The following SYNE2 variants were observed in gnomAD, a reference collection of about 807,000 sequenced individuals.
SYNE2 encodes the protein spectrin repeat containing nuclear envelope protein 2.
Under a neutral mutation model 856.3 loss-of-function variants are expected in SYNE2, and 431 were observed. The ratio of observed to expected loss-of-function variants is 0.50; its 90% CI spans 0.47 to 0.55. SYNE2 has a LOEUF of 0.55. Among genes scored for constraint, SYNE2 ranks in the 20% least tolerant of loss-of-function variants. SYNE2 has a pLI of 0.00. For synonymous variants in SYNE2, 2,923 were observed against 2,872.3 expected, an observed-to-expected ratio of 1.02 and a Z score of -0.56; for missense variants, 8,129 against 8,023.2, an observed-to-expected ratio of 1.01 and a Z score of -0.50.
intron 53 of SYNE2, among the ~76,000 whole-genome samples, chr14:64,075,250 G>A (rs572598349): frequency 6.6e-6 from 1 of 152,328 alleles, no homozygotes; most frequent in East Asian, 1.9e-4. Flanking sequence ...CCACAGTCAA[G>A]TCAAGAAGTA....
chr14:64,077,983 T>C (rs966464920), intron 54 of SYNE2, among the ~76,000 whole-genome samples: 2 of 152,184 alleles, frequency 1.3e-5, no homozygotes, highest in African/African-American at 2.4e-5. Flanking sequence ...CCCAAATGAA[T>C]ACTATGATTG....
At position 64,225,504 on chromosome 14, in the gene SYNE2, C is replaced by T. The variant is rs760936547; in HGVS notation, c.20702C>T (p.Thr6901Ile). The change falls in exon 116 of 116, where the codon ACC becomes ATC. Residue 6901 changes from threonine (T) to isoleucine (I), a missense_variant. Coordinates refer to ENST00000555002, the MANE Select transcript of SYNE2 (RefSeq NM_182914.3). Reference sequence around the variant, plus strand: ...TCCTTTTACCCCATGCTGAGGTACACCAATGGGCCACCCCCCACATAGAGG... The same window carrying T: ...TCCTTTTACCCCATGCTGAGGTACATCAATGGGCCACCCCCCACATAGAGG... ...ARSFYPMLRY[T>I]NGPPPT 1 of 1,614,140 alleles carries T rather than the reference C, an allele frequency of 6.2e-7. No homozygotes were observed. The highest frequency in any genetic ancestry group is 1.1e-5 in the South Asian group (1 of 91,056).
At chr14:64,119,951 A>C (rs1487279186) in intron 67 of SYNE2, among the ~76,000 whole-genome samples, 1 of 152,260 alleles carries the variant, frequency 6.6e-6, no homozygotes, top group African/African-American at 2.4e-5. Context: ...ATTGACTGGA[A>C]AACAAAGCTT....
In SYNE2 at chr14:64,168,880, TTAG is replaced by T. The variant is rs1283954520; in HGVS notation, c.16910_16912del (p.Leu5637_Glu5638delinsTer). ...TTCTGCTTGGACTCATATACAGATG[TTAG>T]AAGCTGAAGTTTCTATAAACCAGAC... is the stretch of plus-strand genomic sequence containing the variant. On this transcript the variant is annotated stop_gained and inframe_deletion, in exon 93 of 116. Coordinates refer to ENST00000555002, the MANE Select transcript of SYNE2 (RefSeq NM_182914.3). LOFTEE classifies it high-confidence loss of function. 2 of 1,610,450 alleles carry T rather than the reference TTAG, an allele frequency of 1.2e-6. No individual in the cohort carries two copies.
rs1010092888 is a variant in SYNE2, at chr14:64,080,699, A to C, written c.11346+61A>C. 24 of 1,580,454 alleles carry C rather than the reference A, an allele frequency of 1.5e-5. No individual in the cohort carries two copies. In the African/African-American group the frequency reaches 3.1e-4, roughly 20 times the overall value. On this transcript the variant is annotated intron_variant, in intron 56 of 115. Transcript: ENST00000555002. Reference sequence around the variant, plus strand: ...GGTGGTATTGAGATGGTGTTAAAGCAAAACAATATATTCAGAAACAGTCAG... The same window carrying C: ...GGTGGTATTGAGATGGTGTTAAAGCCAAACAATATATTCAGAAACAGTCAG...
chr14:64,128,665 A>G (rs914713501), intron 74 of SYNE2, 112 bp downstream of exon 74: 12 of 730,506 alleles, frequency 1.6e-5, no homozygotes, highest in African/African-American at 1.4e-4. Context: ...GCTTAAGTAA[A>G]TAAATAAAAA....
intron 65 of SYNE2, among the ~76,000 whole-genome samples, chr14:64,112,148 C>T (rs555945236): frequency 2.6e-5 from 4 of 152,272 alleles, no homozygotes; most frequent in African/African-American, 9.6e-5. Flanking sequence ...CAATTTTGTT[C>T]GCTCTTTTAC....
chr14:64,090,815 A>C (rs2097605627), intron 59 of SYNE2, 51 bp from the exon 60 acceptor site: 1 of 1,480,440 alleles, frequency 6.8e-7, no homozygotes, highest in Non-Finnish European at 9.4e-7. Context: ...TAAATTTAAC[A>C]GTGGCCATTG....
intron 7 of SYNE2, 88 bp from the exon 8 acceptor site, chr14:63,954,631 C>A: frequency 7.9e-7 from 1 of 1,267,662 alleles, no homozygotes; most frequent in Non-Finnish European, 1.1e-6. Context: ...ACTTGATTTG[C>A]CAAATTTTAA....
At chr14:63,983,634 C>T in intron 17 of SYNE2, 103 bp from the exon 18 acceptor site, 3 of 998,000 alleles carry the variant, frequency 3.0e-6, no homozygotes, top group South Asian at 3.0e-5. Flanking sequence ...TAGTTTAATC[C>T]TAAACATATA....
At chr14:63,836,051 C>A (rs773840307) in intron 1 of SYNE2, among the ~76,000 whole-genome samples, 8 of 151,696 alleles carry the variant, frequency 5.3e-5, no homozygotes, top group Non-Finnish European at 7.4e-5. Context: ...TTTCTAGTTC[C>A]TTTTGACAGG....
intron 34 of SYNE2, 129 bp from the exon 35 acceptor site, chr14:64,019,863 C>T (rs1323203881): frequency 2.8e-6 from 2 of 706,238 alleles, no homozygotes; most frequent in Non-Finnish European, 4.9e-6. Flanking sequence ...AGGACTCTGA[C>T]AAAACACACA....
chr14:64,205,144 C>T (rs1270050799), intron 100 of SYNE2, among the ~76,000 whole-genome samples: 1 of 152,060 alleles, frequency 6.6e-6, no homozygotes, highest in Non-Finnish European at 1.5e-5. Flanking sequence ...GATTAGCAAC[C>T]GTAATTCTCC....
intron 115 of SYNE2, 113 bp from the exon 116 acceptor site, chr14:64,225,206 C>T: frequency 1.3e-6 from 2 of 1,575,384 alleles, no homozygotes; most frequent in Non-Finnish European, 8.7e-7. Context: ...ACTGTTGGCC[C>T]TATTTAAATC....
rs2098032064 is a variant in SYNE2, at chr14:64,132,449, T to C, written c.14514+11T>C. The C allele has an allele frequency of 1.2e-6, 2 of 1,614,158 alleles. No individual in the cohort carries two copies. ...CAGAGTTTGTTGCAGGTATTTGGGT[T>C]ATGTAAACGTTGTACTGAAGCTGGG... On this transcript the variant is annotated intron_variant, in intron 77 of 115. Coordinates refer to ENST00000555002, the MANE Select transcript of SYNE2 (RefSeq NM_182914.3).
chr14:64,173,848 G>A, intron 94 of SYNE2: 1 of 627,910 alleles, frequency 1.6e-6, no homozygotes, highest in Non-Finnish European at 2.8e-6. Context: ...CAATTTTAAA[G>A]TTTTTACTTT....
intron 65 of SYNE2, among the ~76,000 whole-genome samples, chr14:64,112,248 A>G (rs2097816071): frequency 6.6e-6 from 1 of 152,276 alleles, no homozygotes; most frequent in South Asian, 2.1e-4. Context: ...ATTCCCATTC[A>G]AAGTTTGTCA....
intron 109 of SYNE2, 84 bp from the exon 110 acceptor site, chr14:64,219,124 T>TTTAAAAA: frequency 1.2e-6 from 1 of 845,414 alleles, no homozygotes. Context: ...TTTTTTTTTT[T>TTTAAAAA]AACCACCCTG....
At chr14:64,211,205 CTGGCCTCAAGTAATCTTCCACCT>C (rs2098639329) in intron 103 of SYNE2, among the ~76,000 whole-genome samples, 2 of 152,188 alleles carry the variant, frequency 1.3e-5, no homozygotes, top group Admixed American at 6.5e-5. Context: ...TCTCAAACTC[CTGGCCTCAAGTAATCTTCCACCT>C]TGGCCTCCCA....
Sources: gnomAD v4.1 joint callset for allele counts (sites outside exome capture counted in the v4.1 genomes callset) on GRCh38, gnomAD v4.1.1 for gene constraint, MANE v1.5 for transcripts, NCBI Gene and HGNC (gene_info 2026-07-23, HGNC 2026-07-21) for gene names.